CSTB: variants seen among roughly 807,000 people sequenced by gnomAD.
CSTB encodes cystatin B.
Under a neutral mutation model 7.6 loss-of-function variants are expected in CSTB, and 8 were observed. The observed-to-expected ratio is 1.05, with a 90% CI of 0.62 to 1.89. The LOEUF (loss-of-function observed/expected upper bound fraction) is 1.89. CSTB is among the 40% of genes most tolerant of loss of function. The probability of loss-of-function intolerance (pLI) is 0.00; values close to 1 mark genes in which losing one functional copy is unlikely to be tolerated. For synonymous variants in CSTB, 56 were observed against 55.3 expected, an observed-to-expected ratio of 1.01 and a Z score of -0.06; for missense variants, 124 against 126.4, an observed-to-expected ratio of 0.98 and a Z score of 0.09.
rs2083998261 is a variant in CSTB, at chr21:43,774,112, A to G, written c.*90T>C. ...CCCAAGGGGCACAGCCCGGAGATGA[A>G]GCTTATTTTAGGATCACAAGTGCAC... On this transcript the variant is annotated 3_prime_UTR_variant, in exon 3 of 3. Coordinates refer to ENST00000291568, the MANE Select transcript of CSTB (RefSeq NM_000100.4). The G allele has an allele frequency of 3.8e-6, 6 of 1,571,872 alleles. No individual in the cohort carries two copies. In the South Asian group the frequency reaches 6.7e-5, roughly 18 times the overall value.
At chr21:43,774,786 G>A (rs1377880075) in intron 1 of CSTB, 27 bp from the exon 2 acceptor site, 2 of 1,560,998 alleles carry the variant, frequency 1.3e-6, no homozygotes, top group African/African-American at 1.4e-5. Flanking sequence ...GAATGAGGAT[G>A]TCTCAGTGGC....
intron 1 of CSTB, chr21:43,775,814 C>G (rs2084007094): frequency 9.8e-6 from 2 of 203,782 alleles, no homozygotes; most frequent in South Asian, 3.0e-4. Flanking sequence ...ATCGGATCAC[C>G]GTGGAGATCG....
chr21:43,774,587 G>A (rs1412964586), intron 2 of CSTB, 71 bp downstream of exon 2: 1 of 1,376,982 alleles, frequency 7.3e-7, no homozygotes, highest in East Asian at 2.3e-5. Flanking sequence ...AGACCACACA[G>A]CCCGGGCCTG....
chr21:43,774,512 G>C (rs2084000585), intron 2 of CSTB, 146 bp downstream of exon 2: 17 of 1,159,510 alleles, frequency 1.5e-5, no homozygotes, highest in Non-Finnish European at 2.2e-5. Flanking sequence ...CCTCCTGAAA[G>C]GCCGATGGAC....
At position 43,774,660 on chromosome 21, in the gene CSTB, T is replaced by C; in HGVS notation, c.166A>G (p.Lys56Glu). The C allele has an allele frequency of 6.2e-7, 1 of 1,612,846 alleles. No homozygotes were observed. The highest frequency in any genetic ancestry group is 8.5e-7 in the Non-Finnish European group (1 of 1,178,876). Residue 56 changes from lysine (K) to glutamate (E), a missense_variant and splice_region_variant, in exon 2 of 3, where the codon AAG becomes GAG. Transcript: ENST00000291568. ...CCCTCCTGAGGCCCACACTCTACCT[T>C]GATGAAGTAGTTTGTCCCCGCGACC... is the stretch of plus-strand genomic sequence containing the variant. Reference protein sequence around the residue: ...QVVAGTNYFIKVHVGDEDFVH... With the variant: ...QVVAGTNYFIEVHVGDEDFVH...
chr21:43,774,127 C>T lies in CSTB; in HGVS notation c.*75G>A, dbSNP rs886969324. ...CCGGAGATGAAGCTTATTTTAGGAT[C>T]ACAAGTGCACGCTCTGGTAGACGGA... On this transcript the variant is annotated 3_prime_UTR_variant, in exon 3 of 3. Coordinates refer to ENST00000291568, the MANE Select transcript of CSTB (RefSeq NM_000100.4). 8 of 1,598,800 alleles carry T rather than the reference C, an allele frequency of 5.0e-6. No individual in the cohort carries two copies. In the African/African-American group the frequency reaches 6.7e-5, roughly 13 times the overall value.
intron 1 of CSTB, chr21:43,775,645 T>C (rs539301643): frequency 6.6e-6 from 1 of 152,602 alleles, no homozygotes; most frequent in African/African-American, 2.4e-5. Flanking sequence ...ATGATTTTTT[T>C]CCCGAACTAG....
intron 2 of CSTB, 77 bp from the exon 3 acceptor site, chr21:43,774,407 G>C: frequency 3.1e-6 from 5 of 1,606,382 alleles, no homozygotes; most frequent in Non-Finnish European, 4.3e-6. Flanking sequence ...TTAGCAGCCA[G>C]CTGAAGACAA....
rs1016407391 is a variant in CSTB at position 43,776,300 on chromosome 21, G to A, written c.-31C>T. 28 of 1,516,736 alleles carry A rather than the reference G, an allele frequency of 1.8e-5. No individual in the cohort carries two copies. In the East Asian group the frequency reaches 4.4e-4, roughly 24 times the overall value. 94.0% of individuals were successfully genotyped at this position (1,516,736 alleles called of 1,614,324 possible). Reference sequence around the variant, plus strand: ...CGGCGACGGAGGGAATCTGGCGAGGGGACTCGGCGAGGGGACGCGGCGGCT... The same window carrying A: ...CGGCGACGGAGGGAATCTGGCGAGGAGACTCGGCGAGGGGACGCGGCGGCT... On this transcript the variant is annotated 5_prime_UTR_variant, in exon 1 of 3. Coordinates refer to ENST00000291568, the MANE Select transcript of CSTB (RefSeq NM_000100.4).
At chr21:43,774,426 TCTC>T (rs1207080080) in intron 2 of CSTB, 96 bp from the exon 3 acceptor site, 16 of 1,588,652 alleles carry the variant, frequency 1.0e-5, no homozygotes, top group Non-Finnish European at 1.3e-5. Context: ...AATCTTGTCT[TCTC>T]CTGCATGTGC....
chr21:43,774,548 G>A, intron 2 of CSTB, 110 bp downstream of exon 2: 1 of 1,166,494 alleles, frequency 8.6e-7, no homozygotes. Flanking sequence ...CTTATCTCAG[G>A]GGGCAGCCAC....
In CSTB at chr21:43,775,711, C is replaced by T. The variant is rs6374; in HGVS notation, c.66+493G>A. On this transcript the variant is annotated intron_variant, in intron 1 of 2. Transcript: ENST00000291568. ...CCAAACTGTAGTCGGGCTCCTGAAG[C>T]GCCTAGGCCACCTGCGCACTTCCTT... is the stretch of plus-strand genomic sequence containing the variant. 509 of 154,010 alleles carry T rather than the reference C, an allele frequency of 3.3e-3. 4 individuals are homozygous for T. Among genetic ancestry groups the T allele is most frequent in the Non-Finnish European group, 5.5e-3 (380 of 69,244 alleles). The allele number at this position is 154,010 out of a possible 1,614,324, so 9.5% of individuals were successfully genotyped here. A position where few individuals can be genotyped will look rare whatever the true frequency, so the allele number is the denominator to read the frequency against.
chr21:43,774,094 G>T lies in CSTB; in HGVS notation c.*108C>A. 1 of 1,475,566 alleles carries T rather than the reference G, an allele frequency of 6.8e-7. No individual in the cohort carries two copies. The highest frequency in any genetic ancestry group is 9.5e-7 in the Non-Finnish European group (1 of 1,057,466). The allele number at this position is 1,475,566 out of a possible 1,614,324, so 91.4% of individuals were successfully genotyped here. A position where few individuals can be genotyped will look rare whatever the true frequency, so the allele number is the denominator to read the frequency against. On this transcript the variant is annotated 3_prime_UTR_variant, in exon 3 of 3. Transcript: ENST00000291568. ...GAATCCTGCCCCTTCCACCCCAAGGGGCACAGCCCGGAGATGAAGCTTATT... is the reference window on the plus strand; with the variant it reads ...GAATCCTGCCCCTTCCACCCCAAGGTGCACAGCCCGGAGATGAAGCTTATT...
intron 1 of CSTB, 50 bp from the exon 2 acceptor site, chr21:43,774,809 C>A: frequency 1.4e-6 from 2 of 1,385,942 alleles, no homozygotes; most frequent in Non-Finnish European, 2.1e-6. Flanking sequence ...CTTGGATTCC[C>A]TCCTGCTAGA....
At chr21:43,775,238 A>AC (rs200712358) in intron 1 of CSTB, 1 of 247,024 alleles carries the variant, frequency 4.0e-6, no homozygotes, top group Non-Finnish European at 8.1e-6. Flanking sequence ...AAAAAAAAAA[A>AC]CACAGGCCTC....
chr21:43,775,876 GC>G (rs2084007428), intron 1 of CSTB: 1 of 282,682 alleles, frequency 3.5e-6, no homozygotes, highest in Non-Finnish European at 6.5e-6. Context: ...CACCCTGCCT[GC>G]CTGAAACCAG....
intron 2 of CSTB, 84 bp downstream of exon 2, chr21:43,774,574 C>T: frequency 7.6e-7 from 1 of 1,319,464 alleles, no homozygotes; most frequent in Non-Finnish European, 1.1e-6. Flanking sequence ...GCCCCAGCAC[C>T]TAAGACCACA....
chr21:43,774,648 C>G lies in CSTB; in HGVS notation c.168+10G>C. On this transcript the variant is annotated intron_variant, in intron 2 of 2. Transcript: ENST00000291568. ...GTTCGGGGCAGGCCCTCCTGAGGCC[C>G]ACACTCTACCTTGATGAAGTAGTTT... The G allele has an allele frequency of 6.2e-7, 1 of 1,610,624 alleles. No homozygotes were observed. Among genetic ancestry groups the G allele is most frequent in the Non-Finnish European group, 8.5e-7 (1 of 1,176,870 alleles).
Position 43,776,301 on chromosome 21 carries a change from G to A in CSTB, c.-32C>T. 4 of 1,514,802 alleles carry A rather than the reference G, an allele frequency of 2.6e-6. No individual in the cohort carries two copies. The highest frequency in any genetic ancestry group is 1.4e-5 in the African/African-American group (1 of 70,302). 93.8% of individuals were successfully genotyped at this position (1,514,802 alleles called of 1,614,324 possible). A position where few individuals can be genotyped will look rare whatever the true frequency, so the allele number is the denominator to read the frequency against. ...GGCGACGGAGGGAATCTGGCGAGGG[G>A]ACTCGGCGAGGGGACGCGGCGGCTC... On this transcript the variant is annotated 5_prime_UTR_variant, in exon 1 of 3. Coordinates refer to ENST00000291568, the MANE Select transcript of CSTB (RefSeq NM_000100.4).
Sources: gnomAD v4.1 joint callset for allele counts on GRCh38, gnomAD v4.1.1 for gene constraint, MANE v1.5 for transcripts, NCBI Gene and HGNC (gene_info 2026-07-23, HGNC 2026-07-21) for gene names.